Variants in ZFHX3 observed in about 807,000 individuals in gnomAD.
ZFHX3 encodes the protein zinc finger homeobox 3.
ZFHX3 carries 42 observed loss-of-function variants against 279.1 expected under a neutral mutation model. The ratio of observed to expected loss-of-function variants is 0.15; its 90% CI spans 0.12 to 0.19. The LOEUF is 0.19. Ranked by LOEUF, ZFHX3 falls within the 10% of genes least tolerant of loss-of-function variation. ZFHX3 has a pLI of 1.00. For synonymous variants in ZFHX3, 2,293 were observed against 1,957.8 expected, an observed-to-expected ratio of 1.17 and a Z score of -4.52; for missense variants, 4,981 against 4,754.0, an observed-to-expected ratio of 1.05 and a Z score of -1.40.
chr16:73,389,657 T>C (rs1165816068), intron 3 of ZFHX3, among the ~76,000 whole-genome samples: 1 of 152,210 alleles, frequency 6.6e-6, no homozygotes, highest in African/African-American at 2.4e-5. Context: ...CCAACAGCTC[T>C]ATTGGAAAGT....
intron 3 of ZFHX3, among the ~76,000 whole-genome samples, chr16:73,341,336 A>C (rs576261325): frequency 6.6e-6 from 1 of 152,122 alleles, no homozygotes; most frequent in South Asian, 2.1e-4. Flanking sequence ...GCAAGACTCC[A>C]TCTCAAAATA....
Position 72,783,341 on chromosome 16 carries a change from C to T in ZFHX3, c.*3823G>A, listed in dbSNP as rs1320798942. On this transcript the variant is annotated 3_prime_UTR_variant, in exon 10 of 10. Transcript: ENST00000268489. ...AAAAACTAGTCAAAGCTTTGTTTCA[C>T]AGTGGGCAGTATCTCAGCGCCAACA... 6.6e-6 allele frequency: 1 copy of T among 152,370 alleles called. No individual in the cohort carries two copies. The highest frequency in any genetic ancestry group is 1.5e-5 in the Non-Finnish European group (1 of 68,006). The allele number at this position is 152,370 out of a possible 1,614,324, so 9.4% of individuals were successfully genotyped here.
chr16:73,270,971 A>T (rs888385867), intron 4 of ZFHX3, among the ~76,000 whole-genome samples: 1 of 152,186 alleles, frequency 6.6e-6, no homozygotes, highest in Admixed American at 6.5e-5. Context: ...AAGCAATACT[A>T]AGCATGGAAT....
chr16:73,115,984 G>C (rs1342096289), intron 7 of ZFHX3, among the ~76,000 whole-genome samples: 1 of 152,172 alleles, frequency 6.6e-6, no homozygotes, highest in East Asian at 1.9e-4. Context: ...GCCGGGCGTG[G>C]TGATGCATGC....
At chr16:73,857,010 G>A (rs1961747837) in intron 1 of ZFHX3, among the ~76,000 whole-genome samples, 3 of 152,220 alleles carry the variant, frequency 2.0e-5, no homozygotes, top group Non-Finnish European at 4.4e-5. Context: ...CAGACAAACA[G>A]AGTGCCGAGG....
At chr16:72,903,338 G>A (rs368689692) in intron 3 of ZFHX3, among the ~76,000 whole-genome samples, 6 of 152,306 alleles carry the variant, frequency 3.9e-5, no homozygotes, top group African/African-American at 1.4e-4. Context: ...ACCCTGTCCA[G>A]ATCGACAGAA....
At chr16:72,914,064 C>T (rs77043447) in intron 3 of ZFHX3, among the ~76,000 whole-genome samples, 1,524 of 152,282 alleles carry the variant, frequency 0.01, 44 homozygotes, top group East Asian at 0.037. Flanking sequence ...GGGACAGAGG[C>T]GGGATCTGAA....
At chr16:72,846,617 T>C (rs1470816812) in intron 4 of ZFHX3, among the ~76,000 whole-genome samples, 1 of 152,268 alleles carries the variant, frequency 6.6e-6, no homozygotes, top group Admixed American at 6.5e-5. Flanking sequence ...CTGCAGTCTT[T>C]ATGCATCCCC....
intron 2 of ZFHX3, among the ~76,000 whole-genome samples, chr16:73,510,374 G>A (rs1667172541): frequency 6.6e-6 from 1 of 151,890 alleles, no homozygotes; most frequent in Non-Finnish European, 1.5e-5. Context: ...ATATATTTGT[G>A]TTGAATGAGT....
At chr16:72,884,128 G>T (rs1037567853) in intron 4 of ZFHX3, among the ~76,000 whole-genome samples, 2 of 152,038 alleles carry the variant, frequency 1.3e-5, no homozygotes, top group Non-Finnish European at 2.9e-5. Context: ...ATATATTCTT[G>T]GTCTCTTAAC....
chr16:73,007,486 G>A (rs998423263), intron 1 of ZFHX3, among the ~76,000 whole-genome samples: 2 of 152,010 alleles, frequency 1.3e-5, no homozygotes, highest in Admixed American at 6.6e-5. Flanking sequence ...TCACATTGTC[G>A]CCCAGGCTGG....
At chr16:73,308,554 A>C (rs1268520183) in intron 4 of ZFHX3, among the ~76,000 whole-genome samples, 4 of 151,824 alleles carry the variant, frequency 2.6e-5, no homozygotes, top group Non-Finnish European at 1.5e-5. Context: ...TGATCCACCC[A>C]CCTTGGCCTC....
At chr16:73,448,727 C>T (rs899514263) in intron 3 of ZFHX3, among the ~76,000 whole-genome samples, 63 of 72,220 alleles carry the variant, frequency 8.7e-4, no homozygotes, top group African/African-American at 2.0e-3. Flanking sequence ...TGTGTATCTT[C>T]CTCTTTTAAG....
chr16:73,153,569 C>T (rs889121877), intron 5 of ZFHX3, among the ~76,000 whole-genome samples: 1 of 152,208 alleles, frequency 6.6e-6, no homozygotes, highest in African/African-American at 2.4e-5. Context: ...TGGGTCCTTT[C>T]CCTCTGGTCA....
chr16:73,238,971 T>A (rs1567426872), intron 5 of ZFHX3, among the ~76,000 whole-genome samples: 1 of 152,120 alleles, frequency 6.6e-6, no homozygotes, highest in Non-Finnish European at 1.5e-5. Context: ...AAGACCCTAT[T>A]CCTGCTTCCC....
At chr16:73,553,785 G>A (rs183550648) in intron 2 of ZFHX3, among the ~76,000 whole-genome samples, 4 of 151,856 alleles carry the variant, frequency 2.6e-5, no homozygotes, top group African/African-American at 9.6e-5. Flanking sequence ...GGGTGGGGAA[G>A]AAGGGTCTTT....
chr16:72,975,459 T>C (rs1962307241), intron 1 of ZFHX3, among the ~76,000 whole-genome samples: 1 of 151,640 alleles, frequency 6.6e-6, no homozygotes, highest in African/African-American at 2.4e-5. Context: ...TAAAATACAA[T>C]ACAATCAGGA....
At chr16:72,986,515 G>C (rs967583575) in intron 1 of ZFHX3, among the ~76,000 whole-genome samples, 2 of 152,142 alleles carry the variant, frequency 1.3e-5, no homozygotes, top group African/African-American at 4.8e-5. Context: ...TGCTGAACTG[G>C]GCTTGGGTCC....
At chr16:73,328,014 C>A (rs1025798479) in intron 3 of ZFHX3, among the ~76,000 whole-genome samples, 11 of 152,158 alleles carry the variant, frequency 7.2e-5, no homozygotes, top group Non-Finnish European at 1.5e-4. Context: ...GGGGGGAACA[C>A]CAGCCAGAAT....
Sources: allele counts gnomAD v4.1 joint callset (sites outside exome capture counted in the v4.1 genomes callset), GRCh38; gene constraint gnomAD v4.1.1; transcripts MANE v1.5; gene names NCBI Gene and HGNC (gene_info 2026-07-23, HGNC 2026-07-21).